ULK4: variants seen among roughly 807,000 people sequenced by gnomAD.
ULK4 encodes unc-51 like kinase 4, also known as inactive serine/threonine-protein kinase ULK4.
In ULK4, 133 loss-of-function variants were observed where a neutral mutation model predicts 160.6. The ratio of observed to expected loss-of-function variants is 0.83; its 90% CI spans 0.72 to 0.96. The LOEUF (loss-of-function observed/expected upper bound fraction) is 0.96, where lower values mean the gene tolerates loss of function less well. ULK4 is among the 40% of genes least tolerant of loss of function. The pLI is 0.00. For synonymous variants in ULK4, 534 were observed against 539.8 expected (o/e 0.99, Z 0.15); for missense variants, 1,580 against 1,499.5 (o/e 1.05, Z -0.89).
intron 8 of ULK4, 59 bp from the exon 9 acceptor site, chr3:41,912,958 C>T (rs1698839947): frequency 4.0e-6 from 6 of 1,512,260 alleles, no homozygotes; most frequent in Non-Finnish European, 5.5e-6. Flanking sequence ...GAAAAATTCC[C>T]AAGACATGTC....
intron 19 of ULK4, among the ~76,000 whole-genome samples, chr3:41,813,188 TA>T (rs1471985950): frequency 6.6e-6 from 1 of 152,094 alleles, no homozygotes; most frequent in Non-Finnish European, 1.5e-5. Context: ...AAAAAACAGC[TA>T]ATGCATGCTG....
chr3:41,812,564 G>C (rs528135870), intron 19 of ULK4, among the ~76,000 whole-genome samples: 1 of 152,326 alleles, frequency 6.6e-6, no homozygotes, highest in East Asian at 1.9e-4. Flanking sequence ...GGAATCAAAA[G>C]ATGGGAATTT....
At chr3:41,941,771 A>G (rs1699967554) in intron 2 of ULK4, among the ~76,000 whole-genome samples, 1 of 149,192 alleles carries the variant, frequency 6.7e-6, no homozygotes, top group African/African-American at 2.4e-5. Flanking sequence ...AAAAAAAAAA[A>G]AAAAAAAAGA....
chr3:41,613,546 A>AGCTTGGT (rs1474253592), intron 31 of ULK4, among the ~76,000 whole-genome samples: 1 of 152,202 alleles, frequency 6.6e-6, no homozygotes, highest in Non-Finnish European at 1.5e-5. Context: ...CATAGAATCA[A>AGCTTGGT]GAAAACACTG....
At chr3:41,679,630 T>A (rs182233407) in intron 29 of ULK4, among the ~76,000 whole-genome samples, 99 of 152,354 alleles carry the variant, frequency 6.5e-4, no homozygotes, top group African/African-American at 2.3e-3. Flanking sequence ...TTATTCCAGC[T>A]CAAATGAGTA....
intron 31 of ULK4, among the ~76,000 whole-genome samples, chr3:41,597,817 G>C (rs1333125731): frequency 6.6e-6 from 1 of 152,132 alleles, no homozygotes; most frequent in Non-Finnish European, 1.5e-5. Context: ...TTTGGGAGGG[G>C]AGCAGCCCTT....
At chr3:41,859,630 C>G in intron 17 of ULK4, 1 of 473,984 alleles carries the variant, frequency 2.1e-6, no homozygotes, top group East Asian at 5.5e-5. Flanking sequence ...TGCCCCACCG[C>G]TTCATTTCCC....
chr3:41,827,409 A>C (rs144262279), intron 18 of ULK4, among the ~76,000 whole-genome samples: 1 of 151,620 alleles, frequency 6.6e-6, no homozygotes, highest in Non-Finnish European at 1.5e-5. Flanking sequence ...TTGATAGACC[A>C]CTAGCAAGAC....
chr3:41,351,646 G>A lies in ULK4; in HGVS notation c.3678+46433C>T, dbSNP rs79984429. Among the ~76,000 whole-genome samples, 1,449 of 152,320 alleles carry A rather than the reference G, an allele frequency of 9.5e-3. 12 individuals carry two copies. The highest frequency in any genetic ancestry group is 0.025 in the African/African-American group (1,038 of 41,574). ...GTAAGAGCCTCACTGGCTGCTTAAA[G>A]ATGAGGCTTTCTCCTTGGGACAAAT... On this transcript the variant is annotated intron_variant, in intron 35 of 36. Coordinates refer to ENST00000301831, the MANE Select transcript of ULK4 (RefSeq NM_017886.4).
intron 2 of ULK4, among the ~76,000 whole-genome samples, chr3:41,941,810 C>G (rs1240561755): frequency 7.5e-6 from 1 of 132,822 alleles, no homozygotes; most frequent in Non-Finnish European, 1.7e-5. Flanking sequence ...AATAAGCCAC[C>G]AAAGAATAAG....
chr3:41,517,433 C>T (rs2125928655), intron 32 of ULK4, among the ~76,000 whole-genome samples: 1 of 152,232 alleles, frequency 6.6e-6, no homozygotes, highest in East Asian at 1.9e-4. Flanking sequence ...CCTTCTGTTC[C>T]CTTCTGCCAT....
chr3:41,584,765 G>A (rs185520607), intron 31 of ULK4, among the ~76,000 whole-genome samples: 1 of 152,230 alleles, frequency 6.6e-6, no homozygotes, highest in Non-Finnish European at 1.5e-5. Flanking sequence ...ACATACTCAA[G>A]ATATACATAA....
At chr3:41,882,256 T>C (rs1449332651) in intron 17 of ULK4, 1 of 702,962 alleles carries the variant, frequency 1.4e-6, no homozygotes. Flanking sequence ...CAGTTCAAAA[T>C]CCCGATTCCA....
At chr3:41,857,018 G>A (rs556621420) in intron 17 of ULK4, among the ~76,000 whole-genome samples, 11 of 152,006 alleles carry the variant, frequency 7.2e-5, no homozygotes, top group Non-Finnish European at 1.6e-4. Flanking sequence ...ACTAGGTCCT[G>A]GGTAAAAGAC....
At chr3:41,753,382 C>T (rs545966037) in intron 22 of ULK4, among the ~76,000 whole-genome samples, 1 of 152,276 alleles carries the variant, frequency 6.6e-6, no homozygotes, top group East Asian at 1.9e-4. Flanking sequence ...CCAGGCTCTG[C>T]TCAGTATTCT....
At chr3:41,271,983 C>T (rs377205173) in intron 35 of ULK4, among the ~76,000 whole-genome samples, 1 of 152,158 alleles carries the variant, frequency 6.6e-6, no homozygotes, top group East Asian at 1.9e-4. Flanking sequence ...GTGGCATGAT[C>T]GCGGCTCACT....
chr3:41,484,674 G>A (rs555904361), intron 32 of ULK4, among the ~76,000 whole-genome samples: 42 of 152,134 alleles, frequency 2.8e-4, no homozygotes, highest in African/African-American at 8.7e-4. Flanking sequence ...GGATGGTCTT[G>A]ATCTCCTGAC....
intron 5 of ULK4, among the ~76,000 whole-genome samples, chr3:41,927,675 C>CAAAAAAA (rs35242579): frequency 8.4e-6 from 1 of 118,408 alleles, no homozygotes; most frequent in Non-Finnish European, 1.7e-5. Flanking sequence ...AAATGGAAAG[C>CAAAAAAA]AAAAAAAAAA....
chr3:41,447,213 C>G (rs866925595), intron 34 of ULK4, among the ~76,000 whole-genome samples: 1 of 152,094 alleles, frequency 6.6e-6, no homozygotes, highest in Admixed American at 6.6e-5. Context: ...TCTCTAACTC[C>G]CATCTCTCGC....
Sources: allele counts gnomAD v4.1 joint callset (sites outside exome capture counted in the v4.1 genomes callset), GRCh38; gene constraint gnomAD v4.1.1; transcripts MANE v1.5; gene names NCBI Gene and HGNC (gene_info 2026-07-23, HGNC 2026-07-21).